Variants in NPAS3 observed in about 807,000 individuals in gnomAD.
NPAS3 encodes neuronal PAS domain-containing protein 3.
A neutral mutation model predicts 73.1 loss-of-function variants in NPAS3; 14 were observed. The observed-to-expected ratio is 0.19, with a 90% confidence interval of 0.13 to 0.30. The LOEUF is 0.30. NPAS3 is among the 10% of genes least tolerant of loss of function. NPAS3 has a pLI of 1.00. For synonymous variants in NPAS3, 620 were observed against 541.5 expected, an observed-to-expected ratio of 1.14 and a Z score of -2.01; for missense variants, 1,096 against 1,250.0, an observed-to-expected ratio of 0.88 and a Z score of 1.86.
At chr14:33,110,752 G>A (rs75330544) in intron 2 of NPAS3, among the ~76,000 whole-genome samples, 1,553 of 152,124 alleles carry the variant, frequency 0.01, 24 homozygotes, top group African/African-American at 0.035. Flanking sequence ...AACCAAATGC[G>A]CATTTCTATA....
At chr14:33,793,115 GCTCT>G (rs2063410041) in intron 9 of NPAS3, among the ~76,000 whole-genome samples, 1 of 152,190 alleles carries the variant, frequency 6.6e-6, no homozygotes, top group Non-Finnish European at 1.5e-5. Flanking sequence ...GCATTTTAAA[GCTCT>G]CTTTCAGTGG....
intron 2 of NPAS3, among the ~76,000 whole-genome samples, chr14:33,187,275 GC>G (rs2139481106): frequency 6.6e-6 from 1 of 152,196 alleles, no homozygotes; most frequent in South Asian, 2.1e-4. Context: ...AGCTGTATTG[GC>G]TTAGTTCTCA....
rs1054967821 is a variant in NPAS3, at chr14:33,572,495, T to C, written c.558+12285T>C. On this transcript the variant is annotated intron_variant, in intron 5 of 11. Transcript: ENST00000356141. ...GTTAGGTACAATGACAGTCTCCATT[T>C]TCTAGGTAAGAAAACTGAGGCAAAG... Among the ~76,000 whole-genome samples, 110 of 152,182 alleles carry C rather than the reference T, an allele frequency of 7.2e-4. 1 individual carries two copies. Among genetic ancestry groups the C allele is most frequent in the African/African-American group, 2.5e-3 (103 of 41,450 alleles).
chr14:33,799,291 A>G (rs544046646), intron 11 of NPAS3, among the ~76,000 whole-genome samples: 6 of 152,220 alleles, frequency 3.9e-5, no homozygotes, highest in Non-Finnish European at 5.9e-5. Context: ...CAGACTCTTT[A>G]GAAAGTCACC....
chr14:33,647,290 C>A (rs7154798), intron 5 of NPAS3, among the ~76,000 whole-genome samples: 13,111 of 147,290 alleles, frequency 0.089, 922 homozygotes, highest in African/African-American at 0.2. Context: ...CTCTCTCTCT[C>A]TATATATATA....
chr14:33,159,844 C>T (rs372059593), intron 2 of NPAS3, among the ~76,000 whole-genome samples: 2 of 152,146 alleles, frequency 1.3e-5, no homozygotes, highest in East Asian at 1.9e-4. Context: ...TGAGCCACTG[C>T]GTCTGGCCTG....
chr14:33,075,980 C>T (rs1164879120), intron 2 of NPAS3, among the ~76,000 whole-genome samples: 3 of 152,154 alleles, frequency 2.0e-5, no homozygotes, highest in African/African-American at 7.2e-5. Flanking sequence ...TTCTTACCCA[C>T]TGATATCATA....
At chr14:33,336,470 C>T (rs761018498) in intron 3 of NPAS3, among the ~76,000 whole-genome samples, 1 of 152,196 alleles carries the variant, frequency 6.6e-6, no homozygotes, top group African/African-American at 2.4e-5. Flanking sequence ...GGGTCCTTGC[C>T]TTGTGGCTCC....
intron 7 of NPAS3, among the ~76,000 whole-genome samples, chr14:33,739,123 C>T (rs990962784): frequency 1.3e-5 from 2 of 152,126 alleles, no homozygotes; most frequent in Admixed American, 6.6e-5. Flanking sequence ...CGTAGGCAAA[C>T]GGAGAAAAGC....
At chr14:33,198,268 G>T (rs1006339042) in intron 2 of NPAS3, among the ~76,000 whole-genome samples, 1 of 150,050 alleles carries the variant, frequency 6.7e-6, no homozygotes, top group Admixed American at 6.8e-5. Flanking sequence ...GTTTGCCCCT[G>T]CTGGCTCAGG....
chr14:33,786,583 C>T (rs2063181840), intron 9 of NPAS3, among the ~76,000 whole-genome samples: 1 of 152,212 alleles, frequency 6.6e-6, no homozygotes, highest in Non-Finnish European at 1.5e-5. Flanking sequence ...GAAGAATGCA[C>T]CCAGCCCAAG....
At chr14:33,427,383 G>C (rs887824591) in intron 4 of NPAS3, among the ~76,000 whole-genome samples, 16 of 151,818 alleles carry the variant, frequency 1.1e-4, no homozygotes, top group African/African-American at 3.1e-4. Context: ...AAAATAATTA[G>C]GCACACAGAT....
chr14:33,383,982 A>C (rs899835680), intron 4 of NPAS3, among the ~76,000 whole-genome samples: 1 of 152,152 alleles, frequency 6.6e-6, no homozygotes, highest in Non-Finnish European at 1.5e-5. Context: ...AAAATATAAA[A>C]ATAAAAAACT....
chr14:33,729,338 G>C (rs1325083516), intron 6 of NPAS3, among the ~76,000 whole-genome samples: 2 of 152,150 alleles, frequency 1.3e-5, no homozygotes, highest in Non-Finnish European at 2.9e-5. Flanking sequence ...AAAAGGCTAT[G>C]ATTTTTCCAA....
intron 1 of NPAS3, among the ~76,000 whole-genome samples, chr14:32,952,493 T>G (rs1372833632): frequency 1.3e-5 from 2 of 152,112 alleles, no homozygotes; most frequent in Non-Finnish European, 2.9e-5. Flanking sequence ...AAACCTTTAG[T>G]GTGCCCTTGC....
intron 1 of NPAS3, among the ~76,000 whole-genome samples, chr14:33,020,874 C>T (rs1465526066): frequency 1.3e-5 from 2 of 152,070 alleles, no homozygotes; most frequent in Non-Finnish European, 2.9e-5. Context: ...GATTCTCCTG[C>T]CTCAGTCTCC....
intron 5 of NPAS3, among the ~76,000 whole-genome samples, chr14:33,616,148 C>A (rs559948832): frequency 1.2e-4 from 18 of 152,304 alleles, no homozygotes; most frequent in Admixed American, 3.9e-4. Flanking sequence ...TTTTCTTAAG[C>A]CTGCCAACTC....
intron 4 of NPAS3, among the ~76,000 whole-genome samples, chr14:33,512,334 A>C (rs1402758303): frequency 1.3e-5 from 2 of 151,960 alleles, no homozygotes; most frequent in Non-Finnish European, 2.9e-5. Context: ...TTTCCTGCCA[A>C]CTCACAGAAG....
chr14:32,949,925 G>A (rs566838770), intron 1 of NPAS3, among the ~76,000 whole-genome samples: 9 of 151,810 alleles, frequency 5.9e-5, no homozygotes, highest in South Asian at 2.1e-4. Context: ...ATGTTTTAAA[G>A]GATTGTTTTC....
Sources: allele counts gnomAD v4.1 joint callset (sites outside exome capture counted in the v4.1 genomes callset), GRCh38; gene constraint gnomAD v4.1.1; transcripts MANE v1.5; gene names NCBI Gene and HGNC (gene_info 2026-07-23, HGNC 2026-07-21).